Variants in SH3BGRL observed in about 807,000 individuals in gnomAD.
SH3BGRL encodes the protein SH3 domain binding glutamate rich protein like.
A neutral mutation model predicts 9.8 loss-of-function variants in SH3BGRL; 7 were observed. The observed-to-expected ratio is 0.72, with a 90% CI of 0.41 to 1.35. The LOEUF is 1.35. SH3BGRL is among the 40% of genes most tolerant of loss of function. The probability of loss-of-function intolerance (pLI) is 0.01; values close to 1 mark genes in which losing one functional copy is unlikely to be tolerated. For synonymous variants in SH3BGRL, 36 were observed against 29.1 expected, an observed-to-expected ratio of 1.24 and a Z score of -0.76; for missense variants, 73 against 84.4, an observed-to-expected ratio of 0.86 and a Z score of 0.53.
intron 1 of SH3BGRL, among the ~76,000 whole-genome samples, chrX:81,254,703 C>A (rs971954635): frequency 9.0e-6 from 1 of 111,311 alleles, no homozygotes; most frequent in African/African-American, 3.3e-5. Flanking sequence ...GTTATTTTCC[C>A]AGACCAGCCT....
intron 1 of SH3BGRL, chrX:81,237,343 A>T: frequency 3.2e-6 from 1 of 315,810 alleles, no homozygotes; most frequent in Admixed American, 3.2e-5. Flanking sequence ...AAAAGGTAGA[A>T]AAAACAGTCT....
intron 1 of SH3BGRL, among the ~76,000 whole-genome samples, chrX:81,258,122 T>C (rs1203193786): frequency 9.0e-6 from 1 of 111,284 alleles, no homozygotes. Flanking sequence ...AGAGCAAATA[T>C]ATTATTCTCC....
chrX:81,270,317 C>T lies in SH3BGRL; in HGVS notation c.46-6667C>T, dbSNP rs186604572. Among the ~76,000 whole-genome samples the T allele has an allele frequency of 5.2e-3, 581 of 111,425 alleles. 1 individual carries two copies. Among genetic ancestry groups the T allele is most frequent in the African/African-American group, 0.018 (553 of 30,639 alleles). On this transcript the variant is annotated intron_variant, in intron 1 of 3. Coordinates refer to ENST00000373212, the MANE Select transcript of SH3BGRL (RefSeq NM_003022.3). ...GAGGCGTTCTGGTTTTTGCAATTTT[C>T]CACCTTTCTGCTCTGGTTTCTCACC...
chrX:81,237,659 A>G (rs757429603), intron 1 of SH3BGRL, among the ~76,000 whole-genome samples: 1 of 110,518 alleles, frequency 9.0e-6, no homozygotes, highest in Non-Finnish European at 1.9e-5. Context: ...AAGGCAGGCT[A>G]GGCTACAAGG....
At chrX:81,208,768 C>T (rs5959844) in intron 1 of SH3BGRL, among the ~76,000 whole-genome samples, 3,024 of 111,352 alleles carry the variant, frequency 0.027, 99 homozygotes, top group African/African-American at 0.094. Context: ...CAAACCTGAC[C>T]TTTTACACTT....
At position 81,290,902 on chromosome X, in the gene SH3BGRL, A is replaced by G. The variant is rs558544201; in HGVS notation, c.313-6293A>G. Reference sequence around the variant, plus strand: ...TAAAAAAAAGAACAAAATACTGGCTATGGAGCAATGTTAGGTCCTTAGAGG... The same window carrying G: ...TAAAAAAAAGAACAAAATACTGGCTGTGGAGCAATGTTAGGTCCTTAGAGG... On this transcript the variant is annotated intron_variant, in intron 3 of 3. Transcript: ENST00000373212. Among the ~76,000 whole-genome samples, 24 of 111,316 alleles carry G rather than the reference A, an allele frequency of 2.2e-4. 1 individual carries two copies. The highest frequency in any genetic ancestry group is 1.1e-3 in the South Asian group (3 of 2,635).
chrX:81,203,501 G>A (rs1252991563), intron 1 of SH3BGRL, among the ~76,000 whole-genome samples: 7 of 111,530 alleles, frequency 6.3e-5, no homozygotes, highest in Non-Finnish European at 1.3e-4. Flanking sequence ...TATTTCCTTT[G>A]GACCTAATTT....
intron 3 of SH3BGRL, among the ~76,000 whole-genome samples, chrX:81,284,903 G>C (rs902109541): frequency 9.0e-6 from 1 of 111,095 alleles, no homozygotes; most frequent in African/African-American, 3.3e-5. Flanking sequence ...TGGTTACCAT[G>C]TTTCTTCCAT....
At chrX:81,265,463 G>C (rs143908031) in intron 1 of SH3BGRL, among the ~76,000 whole-genome samples, 1,722 of 110,558 alleles carry the variant, frequency 0.016, 34 homozygotes, top group African/African-American at 0.054. Context: ...TGCGGTGTTT[G>C]GTTTTCTGAT....
chrX:81,296,762 A>G (rs1040507227), intron 3 of SH3BGRL, among the ~76,000 whole-genome samples: 7 of 111,866 alleles, frequency 6.3e-5, no homozygotes, highest in African/African-American at 2.3e-4. Context: ...TGTGTATTCT[A>G]TCATAAAACA....
At chrX:81,265,894 C>T (rs957401984) in intron 1 of SH3BGRL, among the ~76,000 whole-genome samples, 2 of 111,741 alleles carry the variant, frequency 1.8e-5, no homozygotes, top group Non-Finnish European at 3.8e-5. Flanking sequence ...TTTTAATGAT[C>T]GCCATTCTAA....
intron 1 of SH3BGRL, among the ~76,000 whole-genome samples, chrX:81,252,003 T>C (rs2075712339): frequency 8.9e-6 from 1 of 112,399 alleles, no homozygotes; most frequent in Admixed American, 9.4e-5. Context: ...TATTTAGTGC[T>C]TTTTTTCTGT....
intron 3 of SH3BGRL, among the ~76,000 whole-genome samples, chrX:81,291,989 C>T (rs2075859410): frequency 8.9e-6 from 1 of 112,088 alleles, no homozygotes; most frequent in South Asian, 3.7e-4. Context: ...CAACTGCACT[C>T]ATGGGCTGGT....
intron 1 of SH3BGRL, among the ~76,000 whole-genome samples, chrX:81,273,780 C>G (rs1349557600): frequency 9.1e-6 from 1 of 110,131 alleles, no homozygotes; most frequent in African/African-American, 3.3e-5. Context: ...CCTTCTAAAG[C>G]AGAAACTTTG....
At chrX:81,274,986 A>G (rs768176008) in intron 1 of SH3BGRL, among the ~76,000 whole-genome samples, 1 of 111,011 alleles carries the variant, frequency 9.0e-6, no homozygotes, top group African/African-American at 3.3e-5. Flanking sequence ...TGGGAGAAAT[A>G]CTTGGTCATT....
At chrX:81,236,401 G>A (rs2075647990) in intron 1 of SH3BGRL, among the ~76,000 whole-genome samples, 1 of 111,898 alleles carries the variant, frequency 8.9e-6, no homozygotes, top group African/African-American at 3.3e-5. Flanking sequence ...GTAACAGTAA[G>A]AGCAAATACA....
intron 3 of SH3BGRL, among the ~76,000 whole-genome samples, chrX:81,280,589 C>T (rs1157366775): frequency 1.8e-5 from 2 of 111,648 alleles, no homozygotes; most frequent in Non-Finnish European, 3.8e-5. Context: ...TGCAGTTTGG[C>T]TCACAGAAGC....
At chrX:81,250,830 A>G (rs1380613343) in intron 1 of SH3BGRL, among the ~76,000 whole-genome samples, 1 of 112,201 alleles carries the variant, frequency 8.9e-6, no homozygotes, top group East Asian at 2.8e-4. Context: ...AATAGGCACT[A>G]GGCAGTCATT....
At chrX:81,222,689 G>A (rs1394002446) in intron 1 of SH3BGRL, among the ~76,000 whole-genome samples, 2 of 111,289 alleles carry the variant, frequency 1.8e-5, no homozygotes, top group Admixed American at 9.6e-5. Context: ...TATATGCCCA[G>A]TAATGGGATG....
Sources: allele counts gnomAD v4.1 joint callset (sites outside exome capture counted in the v4.1 genomes callset), GRCh38; gene constraint gnomAD v4.1.1; transcripts MANE v1.5; gene names NCBI Gene and HGNC (gene_info 2026-07-23, HGNC 2026-07-21).